The following TEKTIP1 variants were observed in gnomAD, a reference collection of about 807,000 sequenced individuals.
TEKTIP1 encodes tektin bundle-interacting protein 1.
chr19:3,543,051 T>C, the TEKTIP1 span: 1 of 1,603,000 alleles, frequency 6.2e-7, no homozygotes, highest in South Asian at 1.1e-5. Context: ...AGTCAGCCTC[T>C]CTCCTCAAGC....
At chr19:3,543,776 C>G in the TEKTIP1 span, 1 of 1,490,678 alleles carries the variant, frequency 6.7e-7, no homozygotes, top group Non-Finnish European at 9.0e-7. Context: ...GAGCCCCTTG[C>G]TGGCCAACGG....
At chr19:3,542,987 G>A in the TEKTIP1 span, 1 of 1,583,234 alleles carries the variant, frequency 6.3e-7, no homozygotes, top group Non-Finnish European at 8.6e-7. Context: ...GCTGAGAACA[G>A]AAAGGTTTAG....
At chr19:3,543,861 C>T in the TEKTIP1 span, 2 of 1,548,434 alleles carry the variant, frequency 1.3e-6, no homozygotes, top group Non-Finnish European at 1.7e-6. Flanking sequence ...GGTGGAGCCA[C>T]TGTGGAGGGC....
chr19:3,543,231 T>G, the TEKTIP1 span: 2 of 1,541,750 alleles, frequency 1.3e-6, no homozygotes, highest in Non-Finnish European at 8.7e-7. Flanking sequence ...CTGCCCACCC[T>G]CAGCGATGAC....
At chr19:3,543,081 G>A in the TEKTIP1 span, 2 of 1,574,830 alleles carry the variant, frequency 1.3e-6, no homozygotes, top group African/African-American at 1.3e-5. Flanking sequence ...GGGGTGAGGG[G>A]TACAGGGCTG....
chr19:3,542,222 CTATGTGGGGTCCCTCAAACAGGCTCTG>C, the TEKTIP1 span: 2 of 985,412 alleles, frequency 2.0e-6, no homozygotes, highest in Non-Finnish European at 1.2e-6. Flanking sequence ...AAAGCCGAGT[CTATGTGGGGTCCCTCAAACAGGCTCTG>C]TAACTGACCA....
At chr19:3,541,568 G>A in the TEKTIP1 span, 5 of 725,224 alleles carry the variant, frequency 6.9e-6, no homozygotes, top group Non-Finnish European at 6.7e-6. Flanking sequence ...TGATCCGCCT[G>A]CCTCGGCCTC....
the TEKTIP1 span, chr19:3,542,763 G>C: frequency 7.4e-7 from 1 of 1,357,374 alleles, no homozygotes; most frequent in African/African-American, 1.5e-5. Flanking sequence ...GTTTACAAGC[G>C]TGAGCCACAC....
chr19:3,543,350 C>T, the TEKTIP1 span: 4 of 1,549,538 alleles, frequency 2.6e-6, no homozygotes, highest in Non-Finnish European at 3.5e-6. Context: ...GTACACAGGC[C>T]TGACCAACTC....
the TEKTIP1 span, chr19:3,543,175 A>T: frequency 6.6e-7 from 1 of 1,523,306 alleles, no homozygotes; most frequent in Non-Finnish European, 8.8e-7. Flanking sequence ...AGACATCGCA[A>T]AGGGGTCAAA....
the TEKTIP1 span, chr19:3,541,659 A>T: frequency 1.0e-6 from 1 of 985,204 alleles, no homozygotes; most frequent in Non-Finnish European, 1.2e-6. Flanking sequence ...ATGGAGATGC[A>T]GTGAATGGGC....
the TEKTIP1 span, chr19:3,543,537 G>A: frequency 2.3e-6 from 3 of 1,328,718 alleles, no homozygotes; most frequent in African/African-American, 1.8e-5. Context: ...ATGACCGCCA[G>A]CCCCCGCCCC....
chr19:3,541,475 A>G, the TEKTIP1 span: 1 of 163,808 alleles, frequency 6.1e-6, no homozygotes, highest in Non-Finnish European at 1.3e-5. Context: ...GGCACCCACC[A>G]CCACGCCCGG....
the TEKTIP1 span, among the ~76,000 whole-genome samples, chr19:3,541,124 AGG>A: frequency 7.3e-6 from 1 of 136,770 alleles, no homozygotes; most frequent in African/African-American, 2.8e-5. Context: ...AGCCGAGATC[AGG>A]CCACTGCACT....
At chr19:3,543,947 G>A in the TEKTIP1 span, 4 of 1,551,100 alleles carry the variant, frequency 2.6e-6, no homozygotes, top group Non-Finnish European at 3.5e-6. Flanking sequence ...AGTGGGTCCT[G>A]GAACCATACT....
the TEKTIP1 span, chr19:3,541,442 C>G: frequency 6.6e-6 from 1 of 152,408 alleles, no homozygotes; most frequent in Non-Finnish European, 1.5e-5. Context: ...CCTGCCTCAG[C>G]CTCCTGAGTA....
At chr19:3,543,846 T>A in the TEKTIP1 span, 1 of 1,542,458 alleles carries the variant, frequency 6.5e-7, no homozygotes, top group East Asian at 2.5e-5. Context: ...CAGGAACCGG[T>A]ACGGGGTGGA....
chr19:3,543,525 G>A, the TEKTIP1 span: 47 of 1,510,436 alleles, frequency 3.1e-5, 1 homozygote, highest in African/African-American at 4.3e-5. Context: ...AGGGGGACAG[G>A]AATGACCGCC....
chr19:3,543,837 A>C, the TEKTIP1 span: 1 of 1,533,406 alleles, frequency 6.5e-7, no homozygotes. Context: ...AGTGCTCAAC[A>C]GGAACCGGTA....
Sources: allele counts gnomAD v4.1 joint callset (sites outside exome capture counted in the v4.1 genomes callset), GRCh38; gene constraint gnomAD v4.1.1; transcripts MANE v1.5; gene names NCBI Gene and HGNC (gene_info 2026-07-23, HGNC 2026-07-21).